Variants in ERBB4 observed in about 807,000 individuals in gnomAD.
ERBB4 encodes receptor tyrosine-protein kinase erbB-4.
Under a neutral mutation model 158.0 loss-of-function variants are expected in ERBB4, and 42 were observed. That is an observed-to-expected ratio of 0.27 (90% CI 0.21 to 0.34). The LOEUF is 0.34. Among genes scored for constraint, ERBB4 ranks in the 10% least tolerant of loss-of-function variants. The pLI is 1.00. For missense variants in ERBB4, 1,333 were observed against 1,624.1 expected, an observed-to-expected ratio of 0.82 and a Z score of 3.08; for synonymous variants, 583 against 558.7, an observed-to-expected ratio of 1.04 and a Z score of -0.61.
At chr2:212,127,685 G>A (rs921043059) in intron 1 of ERBB4, among the ~76,000 whole-genome samples, 8 of 151,854 alleles carry the variant, frequency 5.3e-5, no homozygotes, top group Admixed American at 2.6e-4. Context: ...TTCTTTTTTC[G>A]ATGTGGACCA....
intron 3 of ERBB4, among the ~76,000 whole-genome samples, chr2:211,903,137 C>T (rs906894330): frequency 2.7e-5 from 4 of 148,926 alleles, no homozygotes; most frequent in African/African-American, 7.6e-5. Context: ...CACAATGTTT[C>T]TTTCTTCAAA....
intron 3 of ERBB4, among the ~76,000 whole-genome samples, chr2:211,837,833 T>A (rs1309267484): frequency 6.6e-6 from 1 of 152,092 alleles, no homozygotes; most frequent in African/African-American, 2.4e-5. Context: ...TTATACAGGG[T>A]AGCAAATAAA....
At chr2:211,457,518 A>G (rs924509968) in intron 20 of ERBB4, among the ~76,000 whole-genome samples, 2 of 152,198 alleles carry the variant, frequency 1.3e-5, no homozygotes, top group African/African-American at 4.8e-5. Flanking sequence ...AGAGGTAGCA[A>G]TATGTAAACA....
chr2:211,404,673 TGA>T (rs1178246814), intron 25 of ERBB4, among the ~76,000 whole-genome samples: 1 of 152,096 alleles, frequency 6.6e-6, no homozygotes, highest in African/African-American at 2.4e-5. Flanking sequence ...GTGAGTCAAC[TGA>T]GAGTTGAGTA....
At chr2:211,472,293 ATATT>A (rs1010044128) in intron 20 of ERBB4, among the ~76,000 whole-genome samples, 32 of 149,242 alleles carry the variant, frequency 2.1e-4, no homozygotes, top group African/African-American at 7.1e-4. Flanking sequence ...ATAATAAATA[ATATT>A]TATTATAAAT....
intron 1 of ERBB4, among the ~76,000 whole-genome samples, chr2:212,130,157 CA>C (rs1297114489): frequency 6.6e-6 from 1 of 152,090 alleles, no homozygotes; most frequent in Non-Finnish European, 1.5e-5. Flanking sequence ...ACAAGTTTAA[CA>C]AAATTCAGCC....
At position 211,941,790 on chromosome 2, in the gene ERBB4, C is replaced by T. The variant is rs940753612; in HGVS notation, c.421+5640G>A. Among the ~76,000 whole-genome samples, 9 of 145,656 alleles carry T rather than the reference C, an allele frequency of 6.2e-5. No homozygotes were observed. The East Asian group carries it at 8.0e-4, about 13-fold the overall frequency. ...GAAACAACAGGAATCTATCCGAATA[C>T]GCAGAAACAAATACAATAGTTTTCT... is the stretch of plus-strand genomic sequence containing the variant. On this transcript the variant is annotated intron_variant, in intron 3 of 27. Coordinates refer to ENST00000342788, the MANE Select transcript of ERBB4 (RefSeq NM_005235.3).
chr2:211,885,442 A>G (rs537902750), intron 3 of ERBB4, among the ~76,000 whole-genome samples: 4 of 152,244 alleles, frequency 2.6e-5, no homozygotes, highest in African/African-American at 9.6e-5. Context: ...AAAATAGAGA[A>G]ACAACTGCTA....
intron 3 of ERBB4, among the ~76,000 whole-genome samples, chr2:211,845,484 C>T (rs374545102): frequency 8.5e-5 from 13 of 152,238 alleles, no homozygotes; most frequent in African/African-American, 2.9e-4. Context: ...TACCAGCAGC[C>T]AGCTAACACA....
chr2:211,510,568 CT>C (rs1055082633), intron 20 of ERBB4, among the ~76,000 whole-genome samples: 7 of 151,846 alleles, frequency 4.6e-5, no homozygotes, highest in African/African-American at 7.3e-5. Context: ...CTATATTTAC[CT>C]TTTTTTGAAG....
chr2:211,610,055 C>T (rs143949100), intron 19 of ERBB4, among the ~76,000 whole-genome samples: 1 of 151,842 alleles, frequency 6.6e-6, no homozygotes, highest in African/African-American at 2.4e-5. Context: ...GCAATGCCAG[C>T]CATGTGATCA....
intron 1 of ERBB4, among the ~76,000 whole-genome samples, chr2:212,339,052 A>T (rs929959761): frequency 6.6e-6 from 1 of 152,118 alleles, no homozygotes; most frequent in African/African-American, 2.4e-5. Context: ...CAGGATGTGC[A>T]GGTTTGTTAC....
intron 2 of ERBB4, among the ~76,000 whole-genome samples, chr2:212,005,294 C>T (rs968437160): frequency 2.0e-5 from 3 of 152,062 alleles, no homozygotes; most frequent in Non-Finnish European, 4.4e-5. Context: ...AGACCTGGAA[C>T]CTCTCTAGTA....
chr2:211,657,683 G>A (rs2071269004), intron 16 of ERBB4, 71 bp downstream of exon 16: 1 of 1,142,756 alleles, frequency 8.8e-7, no homozygotes, highest in African/African-American at 1.5e-5. Flanking sequence ...TAACCCAACT[G>A]GTTAGTACTT....
intron 20 of ERBB4, among the ~76,000 whole-genome samples, chr2:211,491,032 GCTGT>G (rs1313079090): frequency 1.3e-5 from 2 of 152,046 alleles, no homozygotes; most frequent in Non-Finnish European, 2.9e-5. Context: ...CTAATGCGAT[GCTGT>G]CTATTTCAGG....
At chr2:211,701,560 T>A (rs1331020804) in intron 12 of ERBB4, among the ~76,000 whole-genome samples, 1 of 151,586 alleles carries the variant, frequency 6.6e-6, no homozygotes, top group African/African-American at 2.4e-5. Flanking sequence ...ATCGGGACCA[T>A]CCTGGCTAAC....
At chr2:211,971,596 C>T (rs192580572) in intron 2 of ERBB4, among the ~76,000 whole-genome samples, 127 of 151,956 alleles carry the variant, frequency 8.4e-4, no homozygotes, top group African/African-American at 2.6e-3. Flanking sequence ...CAGAGACACA[C>T]GCAAAAAAGA....
intron 17 of ERBB4, among the ~76,000 whole-genome samples, chr2:211,627,610 T>C (rs1229655845): frequency 2.6e-5 from 4 of 152,188 alleles, no homozygotes; most frequent in Admixed American, 1.3e-4. Flanking sequence ...TGTGAATGAA[T>C]TAAAATTCCC....
chr2:212,079,787 C>T (rs1156367404), intron 2 of ERBB4, among the ~76,000 whole-genome samples: 2 of 151,976 alleles, frequency 1.3e-5, no homozygotes, highest in African/African-American at 4.8e-5. Flanking sequence ...ACTTTGCTAC[C>T]CTTTCATAAT....
Sources: allele counts gnomAD v4.1 joint callset (sites outside exome capture counted in the v4.1 genomes callset), GRCh38; gene constraint gnomAD v4.1.1; transcripts MANE v1.5; gene names NCBI Gene and HGNC (gene_info 2026-07-23, HGNC 2026-07-21).